Variants in GARRE1 observed in about 807,000 individuals in gnomAD.
GARRE1 encodes the protein granule associated Rac and RHOG effector protein 1.
Under a neutral mutation model 103.2 loss-of-function variants are expected in GARRE1, and 49 were observed. The observed-to-expected ratio is 0.47, with a 90% CI of 0.38 to 0.60. The LOEUF is 0.60. Ranked by LOEUF, GARRE1 falls within the 20% of genes least tolerant of loss-of-function variation. The pLI is 0.00. For missense variants in GARRE1, 1,199 were observed against 1,370.5 expected (o/e 0.87, Z 1.98); for synonymous variants, 505 against 532.8 (o/e 0.95, Z 0.72).
At chr19:34,283,695 A>T (rs1275484158) in intron 1 of GARRE1, among the ~76,000 whole-genome samples, 1 of 152,098 alleles carries the variant, frequency 6.6e-6, no homozygotes, top group African/African-American at 2.4e-5. Context: ...TCTTCACTTC[A>T]ATCGTCTTAT....
intron 2 of GARRE1, among the ~76,000 whole-genome samples, chr19:34,313,888 C>A (rs1442308036): frequency 2.0e-5 from 3 of 152,134 alleles, no homozygotes; most frequent in Non-Finnish European, 4.4e-5. Context: ...GCAACCTCTG[C>A]CTCCCAGGTT....
intron 2 of GARRE1, among the ~76,000 whole-genome samples, chr19:34,317,532 A>G (rs2074065703): frequency 6.6e-6 from 1 of 152,106 alleles, no homozygotes; most frequent in Non-Finnish European, 1.5e-5. Context: ...CTGTGTCTGC[A>G]GTGGGTGGGG....
chr19:34,327,320 A>T, intron 3 of GARRE1, 101 bp from the exon 4 acceptor site: 1 of 1,113,542 alleles, frequency 9.0e-7, no homozygotes, highest in Non-Finnish European at 1.3e-6. Context: ...TTATTGCTGC[A>T]TTTTACTTGA....
rs868220773 is a variant in GARRE1 at position 34,349,117 on chromosome 19, C to T, written c.2789C>T (p.Ser930Leu). Residue 930 changes from serine (S) to leucine (L), a missense_variant, in exon 12 of 14, where the codon TCA (serine) becomes TTA (leucine). Physicochemically the swap from Ser to Leu is moderately radical, Grantham distance 145. Coordinates refer to ENST00000299505, the MANE Select transcript of GARRE1 (RefSeq NM_014686.5). ...GGGGACAGCTTGTTCTCCATGTTTT[C>T]AGGGCCTGACCTCGTTGCTGCTGTC... Reference protein sequence around the residue: ...ANGDSLFSMFSGPDLVAAVKQ... With the variant: ...ANGDSLFSMFLGPDLVAAVKQ... 6.2e-7 allele frequency: 1 copy of T among 1,612,894 alleles called. No individual in the cohort carries two copies. Among genetic ancestry groups the T allele is most frequent in the Non-Finnish European group, 8.5e-7 (1 of 1,180,024 alleles).
At chr19:34,278,880 C>T (rs568222347) in intron 1 of GARRE1, among the ~76,000 whole-genome samples, 79 of 152,058 alleles carry the variant, frequency 5.2e-4, no homozygotes, top group Non-Finnish European at 8.1e-4. Flanking sequence ...CCATGTTGCC[C>T]AGGCTAGTCT....
intron 3 of GARRE1, among the ~76,000 whole-genome samples, 195 bp from the exon 4 acceptor site, chr19:34,327,226 A>G (rs2074115792): frequency 6.6e-6 from 1 of 152,102 alleles, no homozygotes; most frequent in Non-Finnish European, 1.5e-5. Context: ...TCTCTTCAGG[A>G]TGGTTAATTA....
At chr19:34,333,676 T>TG (rs2074147452) in intron 7 of GARRE1, 28 bp from the exon 8 acceptor site, 4 of 1,082,188 alleles carry the variant, frequency 3.7e-6, no homozygotes, top group South Asian at 1.4e-5. Context: ...GGTTGTTATT[T>TG]GTTTTTTTTT....
chr19:34,288,934 C>A (rs1568530661), intron 1 of GARRE1, among the ~76,000 whole-genome samples: 1 of 151,438 alleles, frequency 6.6e-6, no homozygotes, highest in African/African-American at 2.4e-5. Context: ...GAGTTCGAGA[C>A]CAGCCTAGCC....
At position 34,320,106 on chromosome 19, in the gene GARRE1, G is replaced by A. The variant is rs1171684616; in HGVS notation, c.695G>A (p.Gly232Glu). Residue 232 changes from glycine to glutamate, a missense_variant, in exon 3 of 14, where the codon GGG becomes GAG. Physicochemically the swap from Gly to Glu is moderately conservative, Grantham distance 98 (BLOSUM62 -2). Transcript: ENST00000299505. Reference sequence around the variant, plus strand: ...GAGGAAGCTGTGCGGTCCTGGCGGGGGGCTGCTGAGGTAACCCTGGCTTTG... The same window carrying A: ...GAGGAAGCTGTGCGGTCCTGGCGGGAGGCTGCTGAGGTAACCCTGGCTTTG... The part of the protein sequence containing the change: ...EVEEAVRSWR[G>E]AAEATSRLRE... 2 of 1,613,580 alleles carry A rather than the reference G, an allele frequency of 1.2e-6. No individual in the cohort carries two copies. The highest frequency in any genetic ancestry group is 1.3e-5 in the African/African-American group (1 of 74,934).
chr19:34,291,829 C>T (rs535085018), intron 1 of GARRE1, among the ~76,000 whole-genome samples: 10 of 152,012 alleles, frequency 6.6e-5, no homozygotes, highest in Admixed American at 6.6e-4. Context: ...AAGCTGTACA[C>T]ATTAGCAAGG....
At chr19:34,298,184 G>A (rs1000382649) in intron 1 of GARRE1, among the ~76,000 whole-genome samples, 4 of 152,164 alleles carry the variant, frequency 2.6e-5, no homozygotes, top group Non-Finnish European at 5.9e-5. Context: ...TTTGGGCTGA[G>A]GCGGGAGGAT....
chr19:34,289,081 C>T (rs1395917801), intron 1 of GARRE1, among the ~76,000 whole-genome samples: 1 of 151,864 alleles, frequency 6.6e-6, no homozygotes, highest in Non-Finnish European at 1.5e-5. Context: ...TTGCAGTGAG[C>T]CAAGATTGCA....
chr19:34,343,346 A>G (rs1468333190), intron 10 of GARRE1, among the ~76,000 whole-genome samples: 1 of 151,778 alleles, frequency 6.6e-6, no homozygotes, highest in Non-Finnish European at 1.5e-5. Flanking sequence ...CTGAGGCGGT[A>G]GGATCCCTTG....
At chr19:34,330,748 T>TTGTG (rs1555710003) in intron 7 of GARRE1, among the ~76,000 whole-genome samples, 5 of 128,416 alleles carry the variant, frequency 3.9e-5, no homozygotes, top group African/African-American at 1.6e-4. Context: ...TTTTTTTTTT[T>TTGTG]TGTGTGTGTG....
intron 2 of GARRE1, among the ~76,000 whole-genome samples, chr19:34,313,832 G>A (rs1159591958): frequency 2.6e-5 from 4 of 152,028 alleles, no homozygotes; most frequent in African/African-American, 9.7e-5. Flanking sequence ...ACGGAGTCTC[G>A]CTCTTTCTCC....
chr19:34,294,653 A>C (rs2073937509), intron 1 of GARRE1, among the ~76,000 whole-genome samples: 1 of 151,706 alleles, frequency 6.6e-6, no homozygotes. Flanking sequence ...TATGGGCTAT[A>C]TTCTTTTGTT....
Position 34,348,082 on chromosome 19 carries a change from C to T in GARRE1, c.2687+40C>T, listed in dbSNP as rs772159042. ...CTTCAGGGAATCTGAGCTTGAGACC[C>T]AGGTGTCCCCCGAGGGGCCTGTGAG... On this transcript the variant is annotated intron_variant, in intron 11 of 13. Transcript: ENST00000299505. 5.8e-6 allele frequency: 8 copies of T among 1,383,382 alleles called. No homozygotes were observed. In the East Asian group the frequency reaches 1.9e-4, roughly 33 times the overall value. The allele number at this position is 1,383,382 out of a possible 1,614,324, so 85.7% of individuals were successfully genotyped here. A position where few individuals can be genotyped will look rare whatever the true frequency, so the allele number is the denominator to read the frequency against.
chr19:34,260,308 C>T (rs2073708692), intron 1 of GARRE1, among the ~76,000 whole-genome samples: 1 of 152,116 alleles, frequency 6.6e-6, no homozygotes, highest in Non-Finnish European at 1.5e-5. Context: ...CGATTGCATA[C>T]TTAACAGACT....
chr19:34,302,291 C>CA (rs2073984005), intron 2 of GARRE1, among the ~76,000 whole-genome samples: 3 of 74,566 alleles, frequency 4.0e-5, no homozygotes, highest in African/African-American at 1.7e-4. Context: ...CGCGCCCAGC[C>CA]GTTTTTTTTT....
Sources: gnomAD v4.1 joint callset for allele counts (sites outside exome capture counted in the v4.1 genomes callset) on GRCh38, gnomAD v4.1.1 for gene constraint, MANE v1.5 for transcripts, NCBI Gene and HGNC (gene_info 2026-07-23, HGNC 2026-07-21) for gene names.